The following DLG2 variants were observed in gnomAD, a reference collection of about 807,000 sequenced individuals.
The protein encoded by DLG2 is disks large homolog 2.
DLG2 carries 45 observed loss-of-function variants against 132.5 expected under a neutral mutation model. The ratio of observed to expected loss-of-function variants is 0.34; its 90% confidence interval spans 0.27 to 0.44. The LOEUF (loss-of-function observed/expected upper bound fraction) is 0.44, where lower values mean the gene tolerates loss of function less well. Among genes scored for constraint, DLG2 ranks in the 20% least tolerant of loss-of-function variants. DLG2 has a pLI of 1.00. For synonymous variants in DLG2, 424 were observed against 419.6 expected, an observed-to-expected ratio of 1.01 and a Z score of -0.13; for missense variants, 1,045 against 1,196.9, an observed-to-expected ratio of 0.87 and a Z score of 1.87.
chr11:84,390,886 G>C (rs543455657), intron 7 of DLG2, among the ~76,000 whole-genome samples: 1 of 152,146 alleles, frequency 6.6e-6, no homozygotes, highest in South Asian at 2.1e-4. Flanking sequence ...GGGCAGCAGC[G>C]CTCCTTCCTC....
intron 3 of DLG2, among the ~76,000 whole-genome samples, chr11:85,490,930 G>A (rs1374042325): frequency 2.6e-5 from 4 of 151,860 alleles, no homozygotes; most frequent in African/African-American, 4.8e-5. Context: ...CTATGAGGCC[G>A]GTACCATCCT....
At chr11:83,496,185 G>GAT (rs111574678) in intron 21 of DLG2, among the ~76,000 whole-genome samples, 3,748 of 144,030 alleles carry the variant, frequency 0.026, 52 homozygotes, top group African/African-American at 0.033. Context: ...TTTAACATAA[G>GAT]ATATATATAT....
intron 3 of DLG2, among the ~76,000 whole-genome samples, chr11:85,572,871 G>A (rs2153225804): frequency 6.6e-6 from 1 of 152,300 alleles, no homozygotes; most frequent in Non-Finnish European, 1.5e-5. Context: ...CCTGCCCAAA[G>A]CTCACGTTAA....
chr11:85,469,811 T>A (rs1390272012), intron 3 of DLG2: 1 of 152,196 alleles, frequency 6.6e-6, no homozygotes, highest in Admixed American at 6.5e-5. Context: ...TTGAAGGGAA[T>A]CAGTATTGAA....
intron 3 of DLG2, among the ~76,000 whole-genome samples, chr11:85,545,311 A>G (rs574878426): frequency 6.6e-6 from 1 of 152,166 alleles, no homozygotes; most frequent in Non-Finnish European, 1.5e-5. Flanking sequence ...CATATGTTGA[A>G]CAAGACTTGC....
intron 6 of DLG2, among the ~76,000 whole-genome samples, chr11:84,973,534 C>T (rs1208154080): frequency 1.3e-5 from 2 of 152,050 alleles, no homozygotes; most frequent in East Asian, 1.9e-4. Flanking sequence ...AAAGGTAATC[C>T]GAGTTACAAT....
At chr11:84,564,590 A>G (rs551180838) in intron 6 of DLG2, among the ~76,000 whole-genome samples, 8 of 152,328 alleles carry the variant, frequency 5.3e-5, no homozygotes, top group African/African-American at 1.9e-4. Context: ...TATTCTGCAC[A>G]TAATGTCGTC....
At chr11:83,958,789 G>T (rs1053667175) in intron 14 of DLG2, among the ~76,000 whole-genome samples, 2 of 152,052 alleles carry the variant, frequency 1.3e-5, no homozygotes, top group Non-Finnish European at 2.9e-5. Flanking sequence ...CTTGATTGAA[G>T]ATAGTTTTTC....
chr11:84,816,791 T>C (rs1350346688), intron 6 of DLG2, among the ~76,000 whole-genome samples: 1 of 151,962 alleles, frequency 6.6e-6, no homozygotes, highest in African/African-American at 2.4e-5. Flanking sequence ...GAAATAATAA[T>C]ATACATGAAA....
intron 4 of DLG2, among the ~76,000 whole-genome samples, chr11:85,195,129 G>A (rs773890390): frequency 1.9e-4 from 29 of 152,162 alleles, no homozygotes; most frequent in Non-Finnish European, 4.0e-4. Context: ...AAAAAGGTAC[G>A]ATAGTGGCTG....
intron 18 of DLG2, among the ~76,000 whole-genome samples, chr11:83,759,961 A>C (rs2093829713): frequency 1.3e-5 from 2 of 152,222 alleles, no homozygotes; most frequent in Non-Finnish European, 1.5e-5. Flanking sequence ...TGTTTTATTA[A>C]ATCATTTCAA....
intron 3 of DLG2, among the ~76,000 whole-genome samples, chr11:85,291,413 G>C (rs1338884350): frequency 6.6e-6 from 1 of 152,012 alleles, no homozygotes; most frequent in Non-Finnish European, 1.5e-5. Context: ...CATGTTACCA[G>C]GCATAGTATT....
chr11:84,769,060 A>G (rs1385933956), intron 6 of DLG2, among the ~76,000 whole-genome samples: 1 of 152,162 alleles, frequency 6.6e-6, no homozygotes, highest in Non-Finnish European at 1.5e-5. Flanking sequence ...AATCAGTGCA[A>G]ATTTTCTGAC....
chr11:85,281,148 A>C (rs2152752397), intron 4 of DLG2, among the ~76,000 whole-genome samples: 1 of 152,156 alleles, frequency 6.6e-6, no homozygotes, highest in Middle Eastern at 3.4e-3. Flanking sequence ...CAGGCACTGG[A>C]GATGAAATTT....
At chr11:84,816,793 T>G (rs542405338) in intron 6 of DLG2, among the ~76,000 whole-genome samples, 4 of 151,960 alleles carry the variant, frequency 2.6e-5, no homozygotes, top group Non-Finnish European at 5.9e-5. Flanking sequence ...AATAATAATA[T>G]ACATGAAATC....
intron 21 of DLG2, among the ~76,000 whole-genome samples, chr11:83,497,199 A>T (rs2094189793): frequency 6.6e-6 from 1 of 152,218 alleles, no homozygotes; most frequent in Non-Finnish European, 1.5e-5. Flanking sequence ...AAACAAACAC[A>T]ACAAAATAAC....
chr11:85,214,471 C>G (rs1489727981), intron 4 of DLG2, among the ~76,000 whole-genome samples: 2 of 152,166 alleles, frequency 1.3e-5, no homozygotes, highest in South Asian at 2.1e-4. Flanking sequence ...ACGTCCCTGC[C>G]CACTACCAAT....
chr11:83,632,848 A>T (rs1289629123), intron 19 of DLG2: 1 of 212,192 alleles, frequency 4.7e-6, no homozygotes, highest in East Asian at 1.1e-4. Flanking sequence ...TAATACAGGA[A>T]TATTTTCTTT....
chr11:84,067,407 A>T (rs902245546), intron 10 of DLG2, among the ~76,000 whole-genome samples: 5 of 152,182 alleles, frequency 3.3e-5, no homozygotes, highest in African/African-American at 1.2e-4. Flanking sequence ...TATGTCAATT[A>T]TAATGAAAAC....
Sources: allele counts gnomAD v4.1 joint callset (sites outside exome capture counted in the v4.1 genomes callset), GRCh38; gene constraint gnomAD v4.1.1; transcripts MANE v1.5; gene names NCBI Gene and HGNC (gene_info 2026-07-23, HGNC 2026-07-21).